The following IDH3B variants were observed in gnomAD, a reference collection of about 807,000 sequenced individuals.
The protein encoded by IDH3B is isocitrate dehydrogenase (NAD(+)) 3 non-catalytic subunit beta, also known as isocitrate dehydrogenase [NAD] subunit beta, mitochondrial.
IDH3B carries 40 observed loss-of-function variants against 47.5 expected under a neutral mutation model. That is an observed-to-expected ratio of 0.84 (90% confidence interval 0.65 to 1.10). The LOEUF (loss-of-function observed/expected upper bound fraction) is 1.10, where lower values mean the gene tolerates loss of function less well. IDH3B is among the 50% of genes least tolerant of loss of function. The pLI, the probability that IDH3B is intolerant of heterozygous loss-of-function variation, is 0.00. For synonymous variants in IDH3B, 185 were observed against 191.0 expected (o/e 0.97, Z 0.26); for missense variants, 450 against 505.2 (o/e 0.89, Z 1.05).
rs373677018 is a variant in IDH3B at position 2,663,619 on chromosome 20, A to G, written c.216+41T>C. ...CAGTCAAGGCCAAGTCCTTTCCAAC[A>G]CACTACTGTCCTCTACTGTCTGATC... On this transcript the variant is annotated intron_variant, in intron 3 of 11. Coordinates refer to ENST00000380843, the MANE Select transcript of IDH3B (RefSeq NM_006899.5). The G allele has an allele frequency of 9.9e-6, 16 of 1,613,898 alleles. No homozygotes were observed. In the African/African-American group the frequency reaches 2.0e-4, roughly 20 times the overall value.
rs200506846 is a variant in IDH3B, at chr20:2,660,882, A to G, written c.398+27T>C. 293 of 1,614,030 alleles carry G rather than the reference A, an allele frequency of 1.8e-4. No homozygotes were observed. The highest frequency in any genetic ancestry group is 2.3e-4 in the Non-Finnish European group (277 of 1,180,024). On this transcript the variant is annotated intron_variant, in intron 5 of 11. Coordinates refer to ENST00000380843, the MANE Select transcript of IDH3B (RefSeq NM_006899.5). The surrounding 1 kb of genome is among the most constrained non-coding windows in gnomAD (Gnocchi z 5.6). ...GCTCCTGGTGCCCTGGCACCTCTCA[A>G]CCATTCACCCCACCCAGACCACCTA...
chr20:2,663,077 A>C (rs564934064), intron 4 of IDH3B, among the ~76,000 whole-genome samples: 19 of 152,006 alleles, frequency 1.2e-4, no homozygotes, highest in African/African-American at 4.3e-4. Flanking sequence ...CAGTGAGCCG[A>C]GATCGCGCCA....
rs1254392444 is a variant in IDH3B, at chr20:2,660,382, G to C, written c.666-17C>G. On this transcript the variant is annotated splice_polypyrimidine_tract_variant and intron_variant, in intron 7 of 11. Transcript: ENST00000380843. This position sits in a 1 kb window ranked among gnomAD's most constrained non-coding sequence, Gnocchi z 5.6. ...CCAAGTTTCCTGTCCATGGGCCAAA[G>C]GGGACAGAATCAGCCAAGAAAGTAC... is the stretch of plus-strand genomic sequence containing the variant. The C allele has an allele frequency of 6.2e-7, 1 of 1,614,038 alleles. No individual in the cohort carries two copies. Among genetic ancestry groups the C allele is most frequent in the Non-Finnish European group, 8.5e-7 (1 of 1,179,956 alleles).
At chr20:2,659,376 G>A in intron 11 of IDH3B, 149 bp downstream of exon 11, 2 of 1,571,566 alleles carry the variant, frequency 1.3e-6, no homozygotes, top group East Asian at 2.2e-5. Context: ...GAACAGCCCT[G>A]AGAGGGATGC....
rs780476351 is a variant in IDH3B, at chr20:2,663,726, G to C, written c.150C>G (p.Pro50=). 7 of 1,614,200 alleles carry C rather than the reference G, an allele frequency of 4.3e-6. No homozygotes were observed. Among genetic ancestry groups the C allele is most frequent in the Non-Finnish European group, 5.9e-6 (7 of 1,180,046 alleles). The change falls in exon 3 of 12, where the codon CCC becomes CCG. Residue 50 remains proline, a synonymous_variant. Transcript: ENST00000380843. The part of the protein sequence containing the change: ...AEDVRVEGSF[P]VTMLPGDGVG... ...CACCGTCTCCCGGAAGCATGGTCAC[G>C]GGAAAGGAGCCCTCCACCCTCACGT...
At position 2,660,947 on chromosome 20, in the gene IDH3B, C is replaced by A; in HGVS notation, c.360G>T (p.Glu120Asp). The change falls in exon 5 of 12, where the codon GAG (glutamate) becomes GAT (aspartate). Residue 120 changes from glutamate (E) to aspartate (D), a missense_variant. Coordinates refer to ENST00000380843, the MANE Select transcript of IDH3B (RefSeq NM_006899.5). This position sits in a 1 kb window ranked among gnomAD's most constrained non-coding sequence, Gnocchi z 5.6. Reference protein sequence around the residue: ...AIIGKIHTPMEYKGELASYDM... With the variant: ...AIIGKIHTPMDYKGELASYDM... ...CATAGGAGGCTAGCTCCCCCTTATA[C>A]TCCATCGGGGTATGAATCTTTCCTG... 1 of 1,614,148 alleles carries A rather than the reference C, an allele frequency of 6.2e-7. No homozygotes were observed. Among genetic ancestry groups the A allele is most frequent in the Non-Finnish European group, 8.5e-7 (1 of 1,180,010 alleles).
chr20:2,661,278 C>A (rs991636284), intron 4 of IDH3B, among the ~76,000 whole-genome samples: 1 of 152,146 alleles, frequency 6.6e-6, no homozygotes, highest in Non-Finnish European at 1.5e-5. Context: ...CTCACTGCAA[C>A]CTCTGCCTCC....
intron 9 of IDH3B, 109 bp from the exon 10 acceptor site, chr20:2,659,902 A>C: frequency 1.4e-6 from 2 of 1,468,026 alleles, no homozygotes; most frequent in Non-Finnish European, 9.5e-7. Flanking sequence ...AGGGTCACTG[A>C]AAAGAGGCAT....
Position 2,659,590 on chromosome 20 carries a change from G to A in IDH3B, c.1011-5C>T, listed in dbSNP as rs757410903. ...ATGCTGGAGTGATACTCAAGACTGT[G>A]GATATGGACAGGAAGAAACTGTGAC... On this transcript the variant is annotated splice_polypyrimidine_tract_variant and splice_region_variant and intron_variant, in intron 10 of 11. Transcript: ENST00000380843. The A allele has an allele frequency of 1.2e-6, 2 of 1,614,134 alleles. No homozygotes were observed. The highest frequency in any genetic ancestry group is 1.7e-6 in the Non-Finnish European group (2 of 1,179,946).
rs113567915 is a variant in IDH3B at position 2,659,925 on chromosome 20, G to T, written c.915+105C>A. 1.7e-3 allele frequency: 2,495 copies of T among 1,509,330 alleles called. 43 individuals carry two copies. The African/African-American group carries it at 0.029, about 18-fold the overall frequency. The allele number at this position is 1,509,330 out of a possible 1,614,324, so 93.5% of individuals were successfully genotyped here. ...TGAAAAGAGGCATGGTGGGCAGCGTGGGGGAAGAACAGGCCAAGATCACTT... is the reference window on the plus strand; with the variant it reads ...TGAAAAGAGGCATGGTGGGCAGCGTTGGGGAAGAACAGGCCAAGATCACTT... On this transcript the variant is annotated intron_variant, in intron 9 of 11. Transcript: ENST00000380843.
intron 11 of IDH3B, 145 bp from the exon 12 acceptor site, chr20:2,658,982 G>A (rs2086879545): frequency 1.5e-6 from 2 of 1,337,074 alleles, no homozygotes; most frequent in South Asian, 1.5e-5. Flanking sequence ...GGAGGAGCCA[G>A]GATGGGAAGC....
At chr20:2,659,138 G>A (rs970792966) in intron 11 of IDH3B, 1 of 1,239,836 alleles carries the variant, frequency 8.1e-7, no homozygotes, top group Non-Finnish European at 1.0e-6. Context: ...GACAAGACCA[G>A]GTGGAAGGAA....
At position 2,660,656 on chromosome 20, in the gene IDH3B, C is replaced by A. The variant is rs1421483951; in HGVS notation, c.531+41G>T. ...GGAAACAAGGAGCTCCACCTCTCTC[C>A]CATCTTCATCCTTGCCCTCCCCCAG... On this transcript the variant is annotated intron_variant, in intron 6 of 11. Transcript: ENST00000380843. This position sits in a 1 kb window ranked among gnomAD's most constrained non-coding sequence, Gnocchi z 5.6. The A allele has an allele frequency of 1.2e-6, 2 of 1,614,152 alleles. No individual in the cohort carries two copies. Among genetic ancestry groups the A allele is most frequent in the South Asian group, 2.2e-5 (2 of 91,070 alleles).
At position 2,663,668 on chromosome 20, in the gene IDH3B, C is replaced by T. The variant is rs1163098603; in HGVS notation, c.208G>A (p.Val70Met). The change falls in exon 3 of 12, where the codon GTG (valine) becomes ATG (methionine). Residue 70 changes from valine (V) to methionine (M), a missense_variant. Physicochemically the swap from Val to Met is conservative, Grantham distance 21 (BLOSUM62 1). Transcript: ENST00000380843. ...GPELMHAVKE[V>M]FKAAAVPVEF... is the part of the protein sequence containing the mutation. ...TCCCCGAGGCCACTCACCTTGAACA[C>T]CTCCTTGACGGCGTGCATCAGCTCA... The T allele has an allele frequency of 1.9e-6, 3 of 1,614,118 alleles. No homozygotes were observed. The South Asian group carries it at 3.3e-5, about 18-fold the overall frequency.
Position 2,660,941 on chromosome 20 carries a change from C to T in IDH3B, c.366G>A (p.Lys122=), listed in dbSNP as rs762110349. The change falls in exon 5 of 12, where the codon AAG becomes AAA. Residue 122 remains lysine (K), a synonymous_variant. Coordinates refer to ENST00000380843, the MANE Select transcript of IDH3B (RefSeq NM_006899.5). The surrounding 1 kb of genome is among the most constrained non-coding windows in gnomAD (Gnocchi z 5.6). The part of the protein sequence containing the change: ...IGKIHTPMEY[K]GELASYDMRL... ...GCATATCATAGGAGGCTAGCTCCCCCTTATACTCCATCGGGGTATGAATCT... is the reference window on the plus strand; with the variant it reads ...GCATATCATAGGAGGCTAGCTCCCCTTTATACTCCATCGGGGTATGAATCT... 2.5e-6 allele frequency: 4 copies of T among 1,614,174 alleles called. No individual in the cohort carries two copies. The highest frequency in any genetic ancestry group is 2.5e-6 in the Non-Finnish European group (3 of 1,180,046).
At position 2,663,669 on chromosome 20, in the gene IDH3B, C is replaced by A; in HGVS notation, c.207G>T (p.Glu69Asp). ...CCCCGAGGCCACTCACCTTGAACAC[C>A]TCCTTGACGGCGTGCATCAGCTCAG... ...VGPELMHAVK[E>D]VFKAAAVPVE... is the part of the protein sequence containing the mutation. The change falls in exon 3 of 12, where the codon GAG (glutamate) becomes GAT (aspartate). Residue 69 changes from glutamate (E) to aspartate (D), a missense_variant. By Grantham distance (45) the Glu-to-Asp change is conservative (BLOSUM62 2). Transcript: ENST00000380843. 6.2e-7 allele frequency: 1 copy of A among 1,614,230 alleles called. No individual in the cohort carries two copies. Among genetic ancestry groups the A allele is most frequent in the Non-Finnish European group, 8.5e-7 (1 of 1,180,044 alleles).
chr20:2,659,854 G>A, intron 9 of IDH3B, 61 bp from the exon 10 acceptor site: 3 of 1,461,380 alleles, frequency 2.1e-6, no homozygotes, highest in East Asian at 2.3e-5. Context: ...CAGAGGCTTA[G>A]GTTGGAAAAG....
chr20:2,664,090 A>C, intron 1 of IDH3B, 63 bp downstream of exon 1: 1 of 1,608,378 alleles, frequency 6.2e-7, no homozygotes, highest in Non-Finnish European at 8.5e-7. Flanking sequence ...CCTGTTTAGG[A>C]AACCCTAGGA....
At chr20:2,662,824 G>A (rs1294134578) in intron 4 of IDH3B, among the ~76,000 whole-genome samples, 5 of 152,148 alleles carry the variant, frequency 3.3e-5, no homozygotes, top group Non-Finnish European at 7.3e-5. Flanking sequence ...ATGGTGGCAC[G>A]CTCCTGTAAT....
Sources: allele counts gnomAD v4.1 joint callset (sites outside exome capture counted in the v4.1 genomes callset), GRCh38; gene constraint gnomAD v4.1.1; non-coding constraint Gnocchi (gnomAD v3.1); transcripts MANE v1.5; gene names NCBI Gene and HGNC (gene_info 2026-07-23, HGNC 2026-07-21).